PIK3C2G: variants seen among roughly 807,000 people sequenced by gnomAD.
PIK3C2G encodes phosphatidylinositol-4-phosphate 3-kinase catalytic subunit type 2 gamma, also known as phosphatidylinositol 3-kinase C2 domain-containing subunit gamma.
Under a neutral mutation model 181.1 loss-of-function variants are expected in PIK3C2G, and 168 were observed. The observed-to-expected ratio is 0.93, with a 90% confidence interval of 0.82 to 1.05. The LOEUF (loss-of-function observed/expected upper bound fraction) is 1.05, where lower values mean the gene tolerates loss of function less well. Among genes scored for constraint, PIK3C2G ranks in the 50% least tolerant of loss-of-function variants. PIK3C2G has a pLI of 0.00. For synonymous variants in PIK3C2G, 573 were observed against 592.2 expected, an observed-to-expected ratio of 0.97 and a Z score of 0.47; for missense variants, 1,869 against 1,732.8, an observed-to-expected ratio of 1.08 and a Z score of -1.40.
At chr12:18,687,400 C>T in the PIK3C2G span, among the ~76,000 whole-genome samples, 1 of 152,156 alleles carries the variant, frequency 6.6e-6, no homozygotes, top group Non-Finnish European at 1.5e-5. Context: ...ACTCAAGAAT[C>T]AGTTCCAATG....
At chr12:18,374,908 T>A (rs977800067) in intron 13 of PIK3C2G, among the ~76,000 whole-genome samples, 19 of 152,120 alleles carry the variant, frequency 1.2e-4, no homozygotes, top group Non-Finnish European at 7.4e-5. Flanking sequence ...GTAAGCTTCT[T>A]GAGACCTCCC....
chr12:18,410,607 G>C (rs1283340611), intron 16 of PIK3C2G, among the ~76,000 whole-genome samples: 1 of 151,806 alleles, frequency 6.6e-6, no homozygotes, highest in Non-Finnish European at 1.5e-5. Context: ...TGTTCAAAAA[G>C]TCTAAGCTAG....
chr12:18,585,564 C>T (rs1292789591), intron 29 of PIK3C2G, among the ~76,000 whole-genome samples: 1 of 152,156 alleles, frequency 6.6e-6, no homozygotes, highest in African/African-American at 2.4e-5. Flanking sequence ...TCTTAGAGAC[C>T]TACACAGAGA....
In PIK3C2G at chr12:18,563,461, C is replaced by A. The variant is rs1160725015; in HGVS notation, c.3865C>A (p.Gln1289Lys). ...SFEQFSKLHS[Q>K]LQKQFASLTL... is the part of the protein sequence containing the mutation. ...TGAGCAGTTTTCAAAACTTCACAGC[C>A]AACTTCAGAAGCAGTTTGCATCACT... The change falls in exon 28 of 33, where the codon CAA (glutamine) becomes AAA (lysine). Residue 1289 changes from glutamine to lysine, a missense_variant. Physicochemically the swap from Gln to Lys is moderately conservative, Grantham distance 53. Transcript: ENST00000538779. 7 of 1,613,576 alleles carry A rather than the reference C, an allele frequency of 4.3e-6. No individual in the cohort carries two copies. The Admixed American group carries it at 6.7e-5, about 15-fold the overall frequency.
intron 30 of PIK3C2G, among the ~76,000 whole-genome samples, chr12:18,602,415 C>T (rs1947780863): frequency 1.3e-5 from 2 of 151,494 alleles, no homozygotes; most frequent in African/African-American, 4.9e-5. Flanking sequence ...ACGCCTAGCC[C>T]CACCCCCACC....
upstream of PIK3C2G, among the ~76,000 whole-genome samples, chr12:18,244,364 CTAATA>C: frequency 6.6e-6 from 1 of 152,050 alleles, no homozygotes; most frequent in South Asian, 2.1e-4. Context: ...ATTATAGAAT[CTAATA>C]TGTTAGATTG....
At chr12:18,333,161 T>C (rs951357067) in intron 8 of PIK3C2G, among the ~76,000 whole-genome samples, 5 of 152,206 alleles carry the variant, frequency 3.3e-5, no homozygotes, top group African/African-American at 1.2e-4. Context: ...TTTCACTGTG[T>C]AGTTTGGTTT....
chr12:18,399,740 G>C lies in PIK3C2G; in HGVS notation c.2208G>C (p.Leu736=). 3 of 1,606,552 alleles carry C rather than the reference G, an allele frequency of 1.9e-6. No individual in the cohort carries two copies. The highest frequency in any genetic ancestry group is 2.6e-6 in the Non-Finnish European group (3 of 1,174,432). Reference sequence around the variant, plus strand: ...AAAACTGCTCCCTTCCTTTAGTCCTGGGTAGTGCCCCTGGATGGGATGAAA... The same window carrying C: ...AAAACTGCTCCCTTCCTTTAGTCCTCGGTAGTGCCCCTGGATGGGATGAAA... The part of the protein sequence containing the change: ...NNENCSLPLV[L]GSAPGWDERT... Residue 736 remains leucine, a synonymous_variant, in exon 16 of 33, where the codon CTG becomes CTC. Coordinates refer to ENST00000538779, the MANE Select transcript of PIK3C2G (RefSeq NM_001288772.2).
chr12:18,302,679 T>G (rs1371755859), intron 5 of PIK3C2G, among the ~76,000 whole-genome samples: 5 of 152,012 alleles, frequency 3.3e-5, no homozygotes, highest in African/African-American at 1.2e-4. Context: ...GTTTTGCTGG[T>G]GTGTTTCAGG....
At chr12:18,559,865 G>C (rs905757882) in intron 26 of PIK3C2G, among the ~76,000 whole-genome samples, 2 of 126,874 alleles carry the variant, frequency 1.6e-5, no homozygotes, top group South Asian at 2.6e-4. Flanking sequence ...GAGAGAGAGA[G>C]ACAGTTTTGC....
At chr12:18,680,612 A>G in the PIK3C2G span, among the ~76,000 whole-genome samples, 1 of 152,038 alleles carries the variant, frequency 6.6e-6, no homozygotes, top group Admixed American at 6.6e-5. Context: ...AATTAACAAC[A>G]TAATTAAACT....
intron 29 of PIK3C2G, among the ~76,000 whole-genome samples, chr12:18,574,936 A>T (rs1946154739): frequency 1.3e-5 from 2 of 152,194 alleles, no homozygotes; most frequent in South Asian, 4.1e-4. Flanking sequence ...ACTGAAATTT[A>T]AAAATATATC....
At chr12:18,391,362 G>A (rs1322467185) in intron 15 of PIK3C2G, 110 bp downstream of exon 15, 1 of 710,930 alleles carries the variant, frequency 1.4e-6, no homozygotes, top group East Asian at 3.1e-5. Context: ...CTACATAACT[G>A]GTTTCATTTC....
At chr12:18,701,531 T>C in the PIK3C2G span, 1 of 1,614,038 alleles carries the variant, frequency 6.2e-7, no homozygotes, top group Non-Finnish European at 8.5e-7. Context: ...TTACTCCAGG[T>C]AACTTTTTTA....
At chr12:18,468,882 G>A (rs1938175575) in intron 18 of PIK3C2G, among the ~76,000 whole-genome samples, 1 of 152,062 alleles carries the variant, frequency 6.6e-6, no homozygotes, top group Non-Finnish European at 1.5e-5. Context: ...CAGAAAATGA[G>A]TCAAACCATT....
the PIK3C2G span, among the ~76,000 whole-genome samples, chr12:18,655,609 T>C: frequency 1.3e-5 from 2 of 152,026 alleles, no homozygotes; most frequent in Non-Finnish European, 2.9e-5. Flanking sequence ...CCCTGACAAA[T>C]ACTGCCTCAG....
intron 24 of PIK3C2G, among the ~76,000 whole-genome samples, chr12:18,532,211 A>C (rs544754028): frequency 1.3e-5 from 2 of 152,072 alleles, no homozygotes; most frequent in African/African-American, 4.8e-5. Context: ...TCTTTTGCTC[A>C]TTTTCTAATT....
intron 24 of PIK3C2G, among the ~76,000 whole-genome samples, chr12:18,532,423 T>G (rs78195215): frequency 3.2e-4 from 49 of 151,912 alleles, no homozygotes; most frequent in Non-Finnish European, 6.0e-4. Flanking sequence ...GACTTTCTCC[T>G]TTTTTTTCCT....
intron 27 of PIK3C2G, 143 bp downstream of exon 27, chr12:18,563,035 A>T (rs1565511457): frequency 1.4e-5 from 9 of 650,402 alleles, no homozygotes; most frequent in Admixed American, 2.9e-5. Context: ...CAGAAGTGTC[A>T]TTAAGAGGAT....
Sources: allele counts gnomAD v4.1 joint callset (sites outside exome capture counted in the v4.1 genomes callset), GRCh38; gene constraint gnomAD v4.1.1; transcripts MANE v1.5; gene names NCBI Gene and HGNC (gene_info 2026-07-23, HGNC 2026-07-21).